The following LPP variants were observed in gnomAD, a reference collection of about 807,000 sequenced individuals.
LPP encodes lipoma-preferred partner.
Under a neutral mutation model 60.4 loss-of-function variants are expected in LPP, and 38 were observed. The ratio of observed to expected loss-of-function variants is 0.63; its 90% CI spans 0.49 to 0.83. The LOEUF is 0.83. LPP is among the 40% of genes least tolerant of loss of function. The probability of loss-of-function intolerance (pLI) is 0.00; values close to 1 mark genes in which losing one functional copy is unlikely to be tolerated. For missense variants in LPP, 902 were observed against 783.6 expected (o/e 1.15, Z -1.80); for synonymous variants, 328 against 290.8 (o/e 1.13, Z -1.30).
chr3:188,622,576 T>C (rs1846000597), intron 7 of LPP, among the ~76,000 whole-genome samples: 1 of 152,192 alleles, frequency 6.6e-6, no homozygotes, highest in Admixed American at 6.5e-5. Flanking sequence ...TTTTAAGTTT[T>C]GATTTCAATA....
intron 6 of LPP, among the ~76,000 whole-genome samples, chr3:188,591,868 T>C (rs905840176): frequency 6.6e-6 from 1 of 152,170 alleles, no homozygotes; most frequent in Non-Finnish European, 1.5e-5. Context: ...GAATTCAATA[T>C]CAGAGGGTTT....
At chr3:188,760,042 C>A in intron 8 of LPP, 71 bp from the exon 9 acceptor site, 1 of 1,386,888 alleles carries the variant, frequency 7.2e-7, no homozygotes, top group Non-Finnish European at 1.0e-6. Context: ...AACCTGCTTT[C>A]TCCTCCACTT....
chr3:188,851,420 T>C (rs1344163349), intron 9 of LPP, among the ~76,000 whole-genome samples: 1 of 152,214 alleles, frequency 6.6e-6, no homozygotes, highest in African/African-American at 2.4e-5. Context: ...TACCAGTGTA[T>C]TACGCTTTTG....
intron 2 of LPP, among the ~76,000 whole-genome samples, chr3:188,302,342 A>C (rs1321722132): frequency 6.6e-6 from 1 of 152,208 alleles, no homozygotes; most frequent in African/African-American, 2.4e-5. Context: ...TACTCTTTGC[A>C]GTAAACCACA....
rs561418316 is a variant in LPP at position 188,801,860 on chromosome 3, G to A, written c.1410+41578G>A. Among the ~76,000 whole-genome samples, 8 of 152,338 alleles carry A rather than the reference G, an allele frequency of 5.3e-5. No homozygotes were observed. In the East Asian group the frequency reaches 1.5e-3, roughly 29 times the overall value. ...TTTGTGAATAGCATAGTATCTTACA[G>A]AATTGTGAGGAATTATCCAAGTAGC... On this transcript the variant is annotated intron_variant, in intron 9 of 11. Coordinates refer to ENST00000617246, the MANE Select transcript of LPP (RefSeq NM_001375462.1).
chr3:188,637,604 G>A (rs866295243), intron 7 of LPP, among the ~76,000 whole-genome samples: 2 of 151,374 alleles, frequency 1.3e-5, no homozygotes, highest in African/African-American at 2.4e-5. Flanking sequence ...CAACAAAATT[G>A]ATAGACCGCT....
At chr3:188,810,940 G>C (rs1245921320) in intron 9 of LPP, among the ~76,000 whole-genome samples, 3 of 152,042 alleles carry the variant, frequency 2.0e-5, no homozygotes, top group South Asian at 4.2e-4. Context: ...AATTATTTAT[G>C]GTTAGGTTCA....
chr3:188,229,212 C>T (rs1387320400), intron 2 of LPP, among the ~76,000 whole-genome samples: 1 of 152,174 alleles, frequency 6.6e-6, no homozygotes, highest in Non-Finnish European at 1.5e-5. Context: ...ACCCGGGAAG[C>T]TCAGTGCTTG....
chr3:188,513,732 T>A (rs1010159923), intron 5 of LPP, among the ~76,000 whole-genome samples: 21 of 152,138 alleles, frequency 1.4e-4, no homozygotes, highest in Admixed American at 1.3e-3. Flanking sequence ...ATATTTAGTT[T>A]TGCTTTCTTA....
At chr3:188,304,267 A>G (rs1750823749) in intron 2 of LPP, among the ~76,000 whole-genome samples, 1 of 152,122 alleles carries the variant, frequency 6.6e-6, no homozygotes. Flanking sequence ...GTGTAGTGTA[A>G]TGCCCAGATT....
intron 2 of LPP, among the ~76,000 whole-genome samples, chr3:188,267,341 T>C (rs952983210): frequency 6.6e-6 from 1 of 152,222 alleles, no homozygotes; most frequent in African/African-American, 2.4e-5. Flanking sequence ...GAGGAATCTC[T>C]GTTAGTTCAG....
At chr3:188,548,748 TA>T (rs1461528804) in intron 6 of LPP, among the ~76,000 whole-genome samples, 1 of 152,088 alleles carries the variant, frequency 6.6e-6, no homozygotes, top group East Asian at 1.9e-4. Context: ...GATTTGAATA[TA>T]AAAAGTAGGA....
chr3:188,565,932 A>G (rs1393949880), intron 6 of LPP, among the ~76,000 whole-genome samples: 2 of 151,918 alleles, frequency 1.3e-5, no homozygotes, highest in African/African-American at 2.4e-5. Context: ...TTTACCGTAA[A>G]GAGAGGTGTG....
intron 9 of LPP, among the ~76,000 whole-genome samples, chr3:188,857,237 G>A (rs1764067949): frequency 6.6e-6 from 1 of 152,194 alleles, no homozygotes. Flanking sequence ...ACCAAACTAT[G>A]TATTTATGAG....
Position 188,352,238 on chromosome 3 carries a change from G to A in LPP, c.-10+10519G>A, listed in dbSNP as rs529968273. ...ACAATAAAAATAGCTTATGATCTAT[G>A]GGACTTGGTATTAAGCAAGATGATA... On this transcript the variant is annotated intron_variant, in intron 3 of 11. Coordinates refer to ENST00000617246, the MANE Select transcript of LPP (RefSeq NM_001375462.1). The surrounding 1 kb of genome is among the most constrained non-coding windows in gnomAD (Gnocchi z 4.4). Among the ~76,000 whole-genome samples, 1 of 152,308 alleles carries A rather than the reference G, an allele frequency of 6.6e-6. No individual in the cohort carries two copies. Among genetic ancestry groups the A allele is most frequent in the Admixed American group, 6.5e-5 (1 of 15,308 alleles).
At chr3:188,673,309 C>T (rs1335259868) in intron 7 of LPP, among the ~76,000 whole-genome samples, 1 of 69,290 alleles carries the variant, frequency 1.4e-5, no homozygotes, top group Non-Finnish European at 2.8e-5. Flanking sequence ...TGACATAGGG[C>T]CCTATATGTG....
intron 9 of LPP, among the ~76,000 whole-genome samples, chr3:188,843,266 C>T (rs1041788265): frequency 6.6e-5 from 10 of 152,154 alleles, no homozygotes; most frequent in South Asian, 2.1e-4. Flanking sequence ...TGGACCTTTG[C>T]TTCTCACAGC....
intron 3 of LPP, among the ~76,000 whole-genome samples, chr3:188,392,452 C>A (rs1199174484): frequency 6.6e-6 from 1 of 152,084 alleles, no homozygotes; most frequent in Non-Finnish European, 1.5e-5. Context: ...ACTGTTTTGA[C>A]CCCACTTTCC....
At chr3:188,485,187 C>T (rs558205820) in intron 5 of LPP, among the ~76,000 whole-genome samples, 1 of 152,214 alleles carries the variant, frequency 6.6e-6, no homozygotes, top group African/African-American at 2.4e-5. Context: ...AGGATTTTCT[C>T]TTCTGGGTAA....
Sources: gnomAD v4.1 joint callset for allele counts (sites outside exome capture counted in the v4.1 genomes callset) on GRCh38, gnomAD v4.1.1 for gene constraint, Gnocchi (gnomAD v3.1) non-coding constraint, MANE v1.5 for transcripts, NCBI Gene and HGNC (gene_info 2026-07-23, HGNC 2026-07-21) for gene names.